The following ARHGAP35 variants were observed in gnomAD, a reference collection of about 807,000 sequenced individuals.
ARHGAP35 encodes the protein rho GTPase-activating protein 35.
Under a neutral mutation model 111.1 loss-of-function variants are expected in ARHGAP35, and 15 were observed. The observed-to-expected ratio is 0.13, with a 90% CI of 0.09 to 0.21. The LOEUF (loss-of-function observed/expected upper bound fraction) is 0.21, where lower values mean the gene tolerates loss of function less well. Among genes scored for constraint, ARHGAP35 ranks in the 10% least tolerant of loss-of-function variants. The pLI, the probability that ARHGAP35 is intolerant of heterozygous loss-of-function variation, is 1.00. For synonymous variants in ARHGAP35, 643 were observed against 710.3 expected, an observed-to-expected ratio of 0.91 and a Z score of 1.51; for missense variants, 1,262 against 1,873.0, an observed-to-expected ratio of 0.67 and a Z score of 6.02.
At chr19:46,872,563 C>T (rs1434106442) in intron 1 of ARHGAP35, among the ~76,000 whole-genome samples, 2 of 151,900 alleles carry the variant, frequency 1.3e-5, no homozygotes, top group Non-Finnish European at 2.9e-5. Flanking sequence ...AGGCATTCAC[C>T]CTTTCTTAGA....
chr19:46,965,313 C>CA (rs566952034), intron 3 of ARHGAP35, among the ~76,000 whole-genome samples: 15 of 149,800 alleles, frequency 1.0e-4, no homozygotes, highest in South Asian at 2.1e-4. Flanking sequence ...GACTTCATCT[C>CA]AAAAAAAAAG....
chr19:46,955,565 A>C (rs1324409263), intron 3 of ARHGAP35, among the ~76,000 whole-genome samples: 2 of 152,166 alleles, frequency 1.3e-5, no homozygotes, highest in Non-Finnish European at 2.9e-5. Flanking sequence ...TTATTCACAT[A>C]GCATGAAGGT....
Position 46,901,678 on chromosome 19 carries a change from CA to C in ARHGAP35, c.-188-16809del, listed in dbSNP as rs2122168236. ...GATCCAGGCGATCTAGATTCCCTGG[CA>C]GCAGATACGTTGGCTTTCTCAGCTG... On this transcript the variant is annotated intron_variant, in intron 1 of 6. Transcript: ENST00000672722. This position sits in a 1 kb window ranked among gnomAD's most constrained non-coding sequence, Gnocchi z 4.5. Among the ~76,000 whole-genome samples, 1 of 152,336 alleles carries C rather than the reference CA, an allele frequency of 6.6e-6. No individual in the cohort carries two copies. The highest frequency in any genetic ancestry group is 1.5e-5 in the Non-Finnish European group (1 of 68,024).
intron 1 of ARHGAP35, among the ~76,000 whole-genome samples, chr19:46,874,093 T>C (rs1191365506): frequency 6.6e-6 from 1 of 152,194 alleles, no homozygotes; most frequent in Non-Finnish European, 1.5e-5. Flanking sequence ...TTTGAAGTCC[T>C]GTCTATAATT....
In ARHGAP35 at chr19:46,987,891, A is replaced by G. The variant is rs2056659627; in HGVS notation, c.3827-98A>G. 19 of 1,220,074 alleles carry G rather than the reference A, an allele frequency of 1.6e-5. 1 individual carries two copies. In the South Asian group the frequency reaches 2.4e-4, roughly 15 times the overall value. The allele number at this position is 1,220,074 out of a possible 1,614,324, so 75.6% of individuals were successfully genotyped here. On this transcript the variant is annotated intron_variant, in intron 3 of 6. Coordinates refer to ENST00000672722, the MANE Select transcript of ARHGAP35 (RefSeq NM_004491.5). ...GCTCCTCTCTTGTGGTGGGCACCTCATGGACTTTCCCTGGCTTTCTCCTTG... is the reference window on the plus strand; with the variant it reads ...GCTCCTCTCTTGTGGTGGGCACCTCGTGGACTTTCCCTGGCTTTCTCCTTG...
chr19:46,964,324 G>C (rs2056501110), intron 3 of ARHGAP35, among the ~76,000 whole-genome samples: 1 of 151,890 alleles, frequency 6.6e-6, no homozygotes, highest in African/African-American at 2.4e-5. Context: ...GAGCGCTGCA[G>C]TGGCGTGATC....
intron 3 of ARHGAP35, chr19:46,948,732 A>C (rs929040250): frequency 6.6e-6 from 1 of 152,230 alleles, no homozygotes; most frequent in Non-Finnish European, 1.5e-5. Flanking sequence ...ACTAATGTGA[A>C]GCCAACCAGT....
At chr19:46,941,715 A>G (rs768368695) in intron 3 of ARHGAP35, among the ~76,000 whole-genome samples, 9 of 150,964 alleles carry the variant, frequency 6.0e-5, no homozygotes, top group Non-Finnish European at 1.3e-4. Context: ...ATGTGCCACC[A>G]TGTCTGGCTA....
At position 46,949,964 on chromosome 19, in the gene ARHGAP35, T is replaced by C. The variant is rs544492125; in HGVS notation, c.3826+12556T>C. Among the ~76,000 whole-genome samples, 3 of 152,264 alleles carry C rather than the reference T, an allele frequency of 2.0e-5. No individual in the cohort carries two copies. The South Asian group carries it at 6.2e-4, about 32-fold the overall frequency. ...TGTAGGCAGTTTTTAAAACTTCTCC[T>C]TGAAATATAACACACACTAAGAAAA... On this transcript the variant is annotated intron_variant, in intron 3 of 6. Transcript: ENST00000672722.
chr19:46,893,008 G>A (rs561477073), intron 1 of ARHGAP35, among the ~76,000 whole-genome samples: 7 of 152,132 alleles, frequency 4.6e-5, no homozygotes, highest in South Asian at 2.1e-4. Flanking sequence ...TCTCATCTTC[G>A]GATCCTTCAC....
intron 3 of ARHGAP35, among the ~76,000 whole-genome samples, chr19:46,946,381 A>C (rs932653965): frequency 1.3e-5 from 2 of 152,152 alleles, no homozygotes; most frequent in African/African-American, 2.4e-5. Context: ...GTCTGGCTGG[A>C]AAAAAGGTGG....
At chr19:46,878,238 G>A (rs2055937379) in intron 1 of ARHGAP35, among the ~76,000 whole-genome samples, 1 of 152,050 alleles carries the variant, frequency 6.6e-6, no homozygotes, top group Admixed American at 6.6e-5. Flanking sequence ...GACCAGGCTG[G>A]TCTCAAACTC....
At position 46,922,643 on chromosome 19, in the gene ARHGAP35, G is replaced by A. The variant is rs1461841130; in HGVS notation, c.3681+287G>A. 6.6e-6 allele frequency among the ~76,000 whole-genome samples: 1 copy of A among 152,130 alleles called. No homozygotes were observed. The highest frequency in any genetic ancestry group is 1.5e-5 in the Non-Finnish European group (1 of 68,032). On this transcript the variant is annotated intron_variant, in intron 2 of 6. Transcript: ENST00000672722. This position sits in a 1 kb window ranked among gnomAD's most constrained non-coding sequence, Gnocchi z 4.0. ...AGAACTTGTCAGTGTCTTGACAAGT[G>A]GCCAAGCGCAGTGACAATACACTTG...
chr19:46,874,881 A>G (rs1333171472), intron 1 of ARHGAP35, among the ~76,000 whole-genome samples: 3 of 119,624 alleles, frequency 2.5e-5, no homozygotes, highest in East Asian at 2.5e-4. Context: ...GCTCAGTCTC[A>G]GCTCACTGCA....
rs990913657 is a variant in ARHGAP35, at chr19:46,861,117, C to T, written c.-281C>T. Among the ~76,000 whole-genome samples the T allele has an allele frequency of 1.4e-4, 21 of 151,690 alleles. No homozygotes were observed. Among genetic ancestry groups the T allele is most frequent in the Admixed American group, 9.2e-4 (14 of 15,238 alleles). ...GAGCCGCCGCCGCCGCCTCAGCCGC[C>T]GCTGGACTAGGAGCAGGGGAACATG... On this transcript the variant is annotated 5_prime_UTR_variant, in exon 1 of 7. Transcript: ENST00000672722.
At chr19:46,885,642 G>A (rs932016662) in intron 1 of ARHGAP35, among the ~76,000 whole-genome samples, 1 of 152,112 alleles carries the variant, frequency 6.6e-6, no homozygotes, top group African/African-American at 2.4e-5. Flanking sequence ...ATTTGGATGG[G>A]CATAGTACAT....
chr19:46,903,901 C>CT (rs907596709), intron 1 of ARHGAP35, among the ~76,000 whole-genome samples: 63 of 145,714 alleles, frequency 4.3e-4, no homozygotes, highest in Middle Eastern at 7.1e-3. Context: ...TGAAATTCGC[C>CT]TTTTTTTTTT....
At chr19:46,948,709 T>C (rs570543431) in intron 3 of ARHGAP35, 1 of 152,270 alleles carries the variant, frequency 6.6e-6, no homozygotes, top group Admixed American at 6.5e-5. Context: ...TTCTGGAAAA[T>C]GCACACTAAC....
At chr19:46,942,199 A>G (rs1273594324) in intron 3 of ARHGAP35, among the ~76,000 whole-genome samples, 1 of 152,242 alleles carries the variant, frequency 6.6e-6, no homozygotes, top group Non-Finnish European at 1.5e-5. Flanking sequence ...GTGATCTGCT[A>G]CTTAGTGAAA....
Sources: gnomAD v4.1 joint callset for allele counts (sites outside exome capture counted in the v4.1 genomes callset) on GRCh38, gnomAD v4.1.1 for gene constraint, Gnocchi (gnomAD v3.1) non-coding constraint, MANE v1.5 for transcripts, NCBI Gene and HGNC (gene_info 2026-07-23, HGNC 2026-07-21) for gene names.